Variants in EDIL3 observed in about 807,000 individuals in gnomAD.
The protein encoded by EDIL3 is EGF like and discoidin domains 3.
In EDIL3, 37 loss-of-function variants were observed where a neutral mutation model predicts 67.4. That is an observed-to-expected ratio of 0.55 (90% CI 0.42 to 0.72). EDIL3 has a LOEUF of 0.72. Among genes scored for constraint, EDIL3 ranks in the 30% least tolerant of loss-of-function variants. The probability of loss-of-function intolerance (pLI) is 0.00; values close to 1 mark genes in which losing one functional copy is unlikely to be tolerated. For missense variants in EDIL3, 527 were observed against 586.3 expected, an observed-to-expected ratio of 0.90 and a Z score of 1.04; for synonymous variants, 195 against 196.3, an observed-to-expected ratio of 0.99 and a Z score of 0.05.
At chr5:84,132,174 G>A (rs1015752933) in intron 5 of EDIL3, among the ~76,000 whole-genome samples, 1 of 148,320 alleles carries the variant, frequency 6.7e-6, no homozygotes, top group Non-Finnish European at 1.5e-5. Context: ...GGTGGAGGTT[G>A]CAGCCAGCCG....
chr5:83,943,179 A>T lies in EDIL3; in HGVS notation c.*240T>A, dbSNP rs1002561584. The T allele has an allele frequency of 8.8e-6, 4 of 455,086 alleles. No homozygotes were observed. The allele number at this position is 455,086 out of a possible 1,614,324, so 28.2% of individuals were successfully genotyped here. On this transcript the variant is annotated 3_prime_UTR_variant, in exon 11 of 11. Transcript: ENST00000296591. ...ATTCAGGAAACAATGAGAGAAAAGT[A>T]ATTCACACTTAATGTGTTGTTACTT...
intron 9 of EDIL3, among the ~76,000 whole-genome samples, chr5:84,016,931 G>C (rs1428732739): frequency 6.6e-6 from 1 of 152,180 alleles, no homozygotes; most frequent in Non-Finnish European, 1.5e-5. Context: ...CTGATTGCTA[G>C]GGCTGGAAGC....
At chr5:84,283,603 C>T (rs1050030514) in intron 1 of EDIL3, among the ~76,000 whole-genome samples, 1 of 152,192 alleles carries the variant, frequency 6.6e-6, no homozygotes, top group African/African-American at 2.4e-5. Context: ...TCCCTGTCCA[C>T]ATTTCTAACC....
intron 1 of EDIL3, among the ~76,000 whole-genome samples, chr5:84,289,337 G>A (rs1185538089): frequency 6.6e-6 from 1 of 152,046 alleles, no homozygotes; most frequent in African/African-American, 2.4e-5. Flanking sequence ...GCTTAATCAG[G>A]GTAACAAAGA....
At chr5:84,224,539 T>C (rs1185388598) in intron 3 of EDIL3, among the ~76,000 whole-genome samples, 2 of 151,574 alleles carry the variant, frequency 1.3e-5, no homozygotes, top group East Asian at 3.9e-4. Flanking sequence ...TAAATGAAAA[T>C]TGGATTTGTG....
chr5:84,370,529 C>T (rs1260473208), intron 1 of EDIL3, among the ~76,000 whole-genome samples: 1 of 152,186 alleles, frequency 6.6e-6, no homozygotes, highest in African/African-American at 2.4e-5. Context: ...ATTAAAAACA[C>T]CACTAAGTAC....
chr5:84,060,625 A>C, intron 8 of EDIL3, 141 bp from the exon 9 acceptor site: 3 of 893,724 alleles, frequency 3.4e-6, no homozygotes, highest in Non-Finnish European at 3.2e-6. Flanking sequence ...TCCAAAAAAA[A>C]GCTATAATCA....
At chr5:84,032,176 C>T (rs1966580) in intron 9 of EDIL3, among the ~76,000 whole-genome samples, 28,698 of 152,150 alleles carry the variant, frequency 0.19, 3,022 homozygotes, top group Admixed American at 0.24. Flanking sequence ...CATTCTCTTC[C>T]ATATTGAACA....
chr5:84,273,454 T>G (rs750387206), intron 1 of EDIL3, among the ~76,000 whole-genome samples: 4 of 152,298 alleles, frequency 2.6e-5, no homozygotes, highest in South Asian at 2.1e-4. Flanking sequence ...CATGTTTTGC[T>G]CCCACGTGTA....
At chr5:83,967,919 T>C (rs1744725742) in intron 9 of EDIL3, among the ~76,000 whole-genome samples, 1 of 152,162 alleles carries the variant, frequency 6.6e-6, no homozygotes, top group African/African-American at 2.4e-5. Flanking sequence ...ATATCATTTA[T>C]TCTGAATTGT....
chr5:84,067,725 T>G (rs546924506), intron 6 of EDIL3, among the ~76,000 whole-genome samples: 2 of 152,256 alleles, frequency 1.3e-5, no homozygotes, highest in Admixed American at 1.3e-4. Context: ...CTATCGCCAT[T>G]GTTTCTGAGT....
chr5:84,371,341 ATGTGTGTGTG>A (rs1554044710), intron 1 of EDIL3, among the ~76,000 whole-genome samples: 25 of 129,576 alleles, frequency 1.9e-4, no homozygotes, highest in South Asian at 7.1e-4. Context: ...ATATATATAT[ATGTGTGTGTG>A]TATATATATG....
At chr5:84,081,121 G>A (rs1746960297) in intron 6 of EDIL3, among the ~76,000 whole-genome samples, 1 of 152,168 alleles carries the variant, frequency 6.6e-6, no homozygotes, top group Non-Finnish European at 1.5e-5. Context: ...ACACCACCAG[G>A]GGTGAAAGCT....
At chr5:84,083,321 C>A (rs1432774459) in intron 6 of EDIL3, among the ~76,000 whole-genome samples, 2 of 152,030 alleles carry the variant, frequency 1.3e-5, no homozygotes, top group African/African-American at 4.8e-5. Flanking sequence ...AGATGAGAAG[C>A]AAAAGCCTGG....
At chr5:84,358,592 C>CTTTTTTTTTTTTTTTTTTTT (rs756013675) in intron 1 of EDIL3, among the ~76,000 whole-genome samples, 1 of 94,560 alleles carries the variant, frequency 1.1e-5, no homozygotes, top group African/African-American at 4.0e-5. Flanking sequence ...CATTTTTATC[C>CTTTTTTTTTTTTTTTTTTTT]TTTTTTTTTT....
intron 5 of EDIL3, among the ~76,000 whole-genome samples, chr5:84,108,410 A>T (rs892701050): frequency 6.6e-6 from 1 of 152,154 alleles, no homozygotes; most frequent in African/African-American, 2.4e-5. Flanking sequence ...TGATAAATTT[A>T]GATAATAAGA....
At chr5:84,297,130 C>T (rs1336114118) in intron 1 of EDIL3, among the ~76,000 whole-genome samples, 3 of 138,508 alleles carry the variant, frequency 2.2e-5, no homozygotes, top group East Asian at 2.1e-4. Flanking sequence ...TGCAGTGAGC[C>T]GAGATTACAC....
rs140579684 is a variant in EDIL3, at chr5:84,270,412, T to C, written c.68-16200A>G. Among the ~76,000 whole-genome samples, 415 of 152,320 alleles carry C rather than the reference T, an allele frequency of 2.7e-3. 6 individuals carry two copies. The highest frequency in any genetic ancestry group is 0.024 in the Admixed American group (369 of 15,302). Reference sequence around the variant, plus strand: ...GAAATATTTAGGTTTATCATAGCTGTTTAACTCATAAGCCTAAGGATATAT... The same window carrying C: ...GAAATATTTAGGTTTATCATAGCTGCTTAACTCATAAGCCTAAGGATATAT... On this transcript the variant is annotated intron_variant, in intron 1 of 10. Coordinates refer to ENST00000296591, the MANE Select transcript of EDIL3 (RefSeq NM_005711.5).
At chr5:84,050,197 C>CAAAAAAAAAA (rs11335643) in intron 9 of EDIL3, among the ~76,000 whole-genome samples, 2 of 60,856 alleles carry the variant, frequency 3.3e-5, no homozygotes, top group Non-Finnish European at 6.1e-5. Flanking sequence ...AACTCCATCT[C>CAAAAAAAAAA]AAAAAAAAAA....
Sources: allele counts gnomAD v4.1 joint callset (sites outside exome capture counted in the v4.1 genomes callset), GRCh38; gene constraint gnomAD v4.1.1; transcripts MANE v1.5; gene names NCBI Gene and HGNC (gene_info 2026-07-23, HGNC 2026-07-21).